The following CATSPERB variants were observed in gnomAD, a reference collection of about 807,000 sequenced individuals.
The protein encoded by CATSPERB is cation channel sperm-associated auxiliary subunit beta.
In CATSPERB, 93 loss-of-function variants were observed where a neutral mutation model predicts 128.3. The observed-to-expected ratio is 0.72, with a 90% confidence interval of 0.61 to 0.86. CATSPERB has a LOEUF of 0.86. Among genes scored for constraint, CATSPERB ranks in the 40% least tolerant of loss-of-function variants. CATSPERB has a pLI of 0.00. For missense variants in CATSPERB, 1,153 were observed against 1,329.5 expected, an observed-to-expected ratio of 0.87 and a Z score of 2.06; for synonymous variants, 381 against 448.8, an observed-to-expected ratio of 0.85 and a Z score of 1.91.
chr14:91,620,154 T>A (rs1285631), intron 19 of CATSPERB, among the ~76,000 whole-genome samples: 98,500 of 151,884 alleles, frequency 0.65, 32,431 homozygotes, highest in East Asian at 0.9. Flanking sequence ...GAAGTTTTGA[T>A]TTTTTACGGG....
At chr14:91,701,910 C>CAAA (rs68037916) in intron 7 of CATSPERB, among the ~76,000 whole-genome samples, 1 of 138,450 alleles carries the variant, frequency 7.2e-6, no homozygotes. Context: ...GACCCTGTCT[C>CAAA]AAAAAAAAAA....
chr14:91,647,838 T>A (rs1443322793), intron 15 of CATSPERB, among the ~76,000 whole-genome samples: 1 of 152,206 alleles, frequency 6.6e-6, no homozygotes, highest in Non-Finnish European at 1.5e-5. Flanking sequence ...CACCAAGGTT[T>A]TGTTTTCCCT....
chr14:91,710,276 G>A (rs1895816370), intron 5 of CATSPERB: 1 of 152,160 alleles, frequency 6.6e-6, no homozygotes, highest in African/African-American at 2.4e-5. Flanking sequence ...TGACTGAGGT[G>A]GTGGTGTCTC....
At chr14:91,664,953 A>C (rs1174467679) in intron 14 of CATSPERB, among the ~76,000 whole-genome samples, 1 of 152,158 alleles carries the variant, frequency 6.6e-6, no homozygotes, top group African/African-American at 2.4e-5. Flanking sequence ...GCAATGGCAC[A>C]ATCTTGGCTA....
intron 7 of CATSPERB, among the ~76,000 whole-genome samples, chr14:91,702,197 T>C (rs1895662098): frequency 6.6e-6 from 1 of 151,598 alleles, no homozygotes; most frequent in African/African-American, 2.4e-5. Flanking sequence ...GTAAGGTAGG[T>C]ATTGGTGTTT....
At chr14:91,723,261 A>C in intron 3 of CATSPERB, 72 bp from the exon 4 acceptor site, 3 of 1,172,384 alleles carry the variant, frequency 2.6e-6, no homozygotes, top group Non-Finnish European at 3.4e-6. Flanking sequence ...GTTAATCTAA[A>C]AGTGATTAGT....
chr14:91,668,760 C>T (rs1004724818), intron 14 of CATSPERB, among the ~76,000 whole-genome samples: 1 of 152,180 alleles, frequency 6.6e-6, no homozygotes, highest in Non-Finnish European at 1.5e-5. Context: ...AGAGCTGTAA[C>T]ACTCACTGCG....
intron 22 of CATSPERB, 168 bp from the exon 23 acceptor site, chr14:91,592,170 C>A: frequency 1.6e-6 from 1 of 616,620 alleles, no homozygotes; most frequent in South Asian, 1.9e-5. Flanking sequence ...TACAGTATTT[C>A]TGAATTTTAG....
chr14:91,642,995 A>G (rs372822790), intron 15 of CATSPERB, among the ~76,000 whole-genome samples: 19 of 120,104 alleles, frequency 1.6e-4, no homozygotes, highest in South Asian at 1.1e-3. Context: ...GTTTATTTGC[A>G]TAGAGGTGTT....
intron 22 of CATSPERB, among the ~76,000 whole-genome samples, chr14:91,593,819 G>C (rs564446921): frequency 3.3e-5 from 5 of 152,184 alleles, no homozygotes; most frequent in Non-Finnish European, 5.9e-5. Flanking sequence ...TGGTTTGGCT[G>C]TGTTCCCATT....
intron 6 of CATSPERB, among the ~76,000 whole-genome samples, chr14:91,706,782 A>G (rs1895740004): frequency 6.6e-6 from 1 of 152,116 alleles, no homozygotes; most frequent in Admixed American, 6.5e-5. Context: ...TGCTTGAGTA[A>G]GAAATCCAGG....
chr14:91,643,962 T>G (rs980424227), intron 15 of CATSPERB, among the ~76,000 whole-genome samples: 2 of 137,654 alleles, frequency 1.5e-5, no homozygotes, highest in Admixed American at 1.4e-4. Flanking sequence ...TACCATTATG[T>G]AATGGCCTTC....
At chr14:91,705,446 A>G (rs1195959835) in intron 6 of CATSPERB, among the ~76,000 whole-genome samples, 1 of 152,204 alleles carries the variant, frequency 6.6e-6, no homozygotes, top group African/African-American at 2.4e-5. Flanking sequence ...AATGAGATGC[A>G]GAAGAGAAAG....
chr14:91,635,868 TC>T (rs1370228831), intron 17 of CATSPERB: 2 of 152,334 alleles, frequency 1.3e-5, no homozygotes, highest in African/African-American at 2.4e-5. Flanking sequence ...TCCAGTGTTG[TC>T]CAGAATATTT....
chr14:91,719,367 T>C (rs1895992512), intron 5 of CATSPERB, 51 bp downstream of exon 5: 1 of 1,270,468 alleles, frequency 7.9e-7, no homozygotes. Context: ...GTTCTTTTTA[T>C]TTGATAAATC....
intron 26 of CATSPERB, among the ~76,000 whole-genome samples, chr14:91,583,977 C>T (rs1893252822): frequency 6.6e-6 from 1 of 152,184 alleles, no homozygotes; most frequent in African/African-American, 2.4e-5. Flanking sequence ...CCTCAAACCC[C>T]TGGCCTCAGA....
At chr14:91,714,277 C>CAAA (rs35951126) in intron 5 of CATSPERB, among the ~76,000 whole-genome samples, 44 of 111,260 alleles carry the variant, frequency 4.0e-4, no homozygotes, top group South Asian at 9.7e-4. Flanking sequence ...TACAATAAGG[C>CAAA]AAAAAAAAAA....
At chr14:91,649,568 C>T (rs985829062) in intron 15 of CATSPERB, among the ~76,000 whole-genome samples, 4 of 150,910 alleles carry the variant, frequency 2.7e-5, no homozygotes, top group Admixed American at 2.6e-4. Context: ...ACGAACTTGG[C>T]TCACTGTAAC....
intron 1 of CATSPERB, among the ~76,000 whole-genome samples, chr14:91,730,617 A>C (rs927846703): frequency 6.6e-6 from 1 of 152,178 alleles, no homozygotes; most frequent in African/African-American, 2.4e-5. Flanking sequence ...GCTATTAGTA[A>C]TAAAGTCCTT....
Sources: allele counts gnomAD v4.1 joint callset (sites outside exome capture counted in the v4.1 genomes callset), GRCh38; gene constraint gnomAD v4.1.1; transcripts MANE v1.5; gene names NCBI Gene and HGNC (gene_info 2026-07-23, HGNC 2026-07-21).